RAD17: variants seen among roughly 807,000 people sequenced by gnomAD.
RAD17 encodes RAD17 checkpoint clamp loader component.
A neutral mutation model predicts 81.5 loss-of-function variants in RAD17; 31 were observed. The observed-to-expected ratio is 0.38, with a 90% CI of 0.29 to 0.51. The LOEUF is 0.51. Ranked by LOEUF, RAD17 falls within the 20% of genes least tolerant of loss-of-function variation. RAD17 has a pLI of 0.88. For missense variants in RAD17, 681 were observed against 781.2 expected (o/e 0.87, Z 1.53); for synonymous variants, 261 against 266.2 (o/e 0.98, Z 0.19).
chr5:69,414,206 C>T lies in RAD17; in HGVS notation c.1927C>T (p.Pro643Ser). ...GAGTCAGAATAGTGCCAGTGAACTGCCTGCTAGCCAGCCCCAGCCCTTTTC... is the reference window on the plus strand; with the variant it reads ...GAGTCAGAATAGTGCCAGTGAACTGTCTGCTAGCCAGCCCCAGCCCTTTTC... The part of the protein sequence containing the change: ...PLSQNSASEL[P>S]ASQPQPFSAQ... Residue 643 changes from proline (P) to serine (S), a missense_variant, in exon 19 of 19, where the codon CCT becomes TCT. Transcript: ENST00000354868. 2 of 1,614,200 alleles carry T rather than the reference C, an allele frequency of 1.2e-6. No homozygotes were observed. Among genetic ancestry groups the T allele is most frequent in the Middle Eastern group, 1.6e-4 (1 of 6,062 alleles).
intron 6 of RAD17, among the ~76,000 whole-genome samples, 158 bp from the exon 7 acceptor site, chr5:69,381,743 G>A (rs1023022511): frequency 1.3e-5 from 2 of 152,186 alleles, no homozygotes; most frequent in African/African-American, 4.8e-5. Flanking sequence ...AATAAAGCTG[G>A]TTTATTCCAG....
chr5:69,376,173 G>T (rs561229060), intron 6 of RAD17, among the ~76,000 whole-genome samples: 93 of 152,278 alleles, frequency 6.1e-4, no homozygotes, highest in African/African-American at 2.1e-3. Context: ...AATCTTCATT[G>T]TAGAGTAACT....
chr5:69,410,631 C>T (rs1490331022), intron 18 of RAD17, 81 bp downstream of exon 18: 4 of 1,259,182 alleles, frequency 3.2e-6, no homozygotes, highest in East Asian at 4.7e-5. Flanking sequence ...ATAACTGTTA[C>T]CTGTAACATC....
chr5:69,389,858 G>C (rs299084), intron 12 of RAD17, among the ~76,000 whole-genome samples: 2 of 152,004 alleles, frequency 1.3e-5, no homozygotes, highest in African/African-American at 4.8e-5. Context: ...GGATGGTTGC[G>C]ATCTCCTGAC....
At chr5:69,377,439 GTATATATATATATATATATA>G (rs373632198) in intron 6 of RAD17, among the ~76,000 whole-genome samples, 5 of 55,498 alleles carry the variant, frequency 9.0e-5, no homozygotes, top group Admixed American at 4.9e-4. Flanking sequence ...GTGTGTGTGT[GTATATATATATATATATATA>G]TATATATATA....
chr5:69,399,009 T>G lies in RAD17; in HGVS notation c.1573-1040T>G, dbSNP rs552636398. On this transcript the variant is annotated intron_variant, in intron 16 of 18. Coordinates refer to ENST00000354868, the MANE Select transcript of RAD17 (RefSeq NM_133338.3). ...GCAATATGGTGAAACCCCATCTGTA[T>G]AAAAAAAAAAATAATAAAAAAATTA... Among the ~76,000 whole-genome samples the G allele has an allele frequency of 2.2e-4, 31 of 143,912 alleles. No individual in the cohort carries two copies. The East Asian group carries it at 5.7e-3, about 26-fold the overall frequency. The allele number at this position is 143,912 out of a possible 152,430, so 94.4% of individuals were successfully genotyped here.
At chr5:69,385,942 T>A (rs1764185030) in intron 8 of RAD17, 101 bp from the exon 9 acceptor site, 3 of 1,153,518 alleles carry the variant, frequency 2.6e-6, no homozygotes, top group Non-Finnish European at 3.5e-6. Flanking sequence ...TTAAAATACA[T>A]TGAATAAATA....
chr5:69,373,990 A>G lies in RAD17; in HGVS notation c.170A>G (p.Asn57Ser), dbSNP rs1480197914. ...SSRFPARKRG[N>S]LSSLEQIYGL... ...AGATTTCCAGCGAGAAAAAGAGGAA[A>G]TCTATCTTCCTTAGAACAGATTTAT... The change falls in exon 5 of 19, where the codon AAT becomes AGT. Residue 57 changes from asparagine (N) to serine (S), a missense_variant. Transcript: ENST00000354868. The G allele has an allele frequency of 6.2e-7, 1 of 1,613,340 alleles. No individual in the cohort carries two copies. The highest frequency in any genetic ancestry group is 8.5e-7 in the Non-Finnish European group (1 of 1,179,460).
intron 15 of RAD17, among the ~76,000 whole-genome samples, chr5:69,395,016 C>T (rs1354994102): frequency 3.3e-5 from 5 of 152,154 alleles, no homozygotes; most frequent in African/African-American, 1.2e-4. Flanking sequence ...CACACCACTG[C>T]ACTCCAGCCT....
intron 7 of RAD17, among the ~76,000 whole-genome samples, chr5:69,383,365 T>TTTA (rs1412098861): frequency 6.6e-6 from 1 of 151,378 alleles, no homozygotes; most frequent in Non-Finnish European, 1.5e-5. Flanking sequence ...TTTTCTTTTC[T>TTTA]TTATTATTAT....
Position 69,369,857 on chromosome 5 carries a change from A to G in RAD17, c.-493A>G, listed in dbSNP as rs1762814039. On this transcript the variant is annotated 5_prime_UTR_variant, in exon 1 of 19. Coordinates refer to ENST00000354868, the MANE Select transcript of RAD17 (RefSeq NM_133338.3). Reference sequence around the variant, plus strand: ...CTCGGCGTTGAGCCCGGGTAGGGCCAGGTGGCTGCCCTTTCACCTAGGGTA... The same window carrying G: ...CTCGGCGTTGAGCCCGGGTAGGGCCGGGTGGCTGCCCTTTCACCTAGGGTA... 1.4e-6 allele frequency: 1 copy of G among 729,006 alleles called. No homozygotes were observed. The highest frequency in any genetic ancestry group is 1.8e-5 in the South Asian group (1 of 55,302). The allele number at this position is 729,006 out of a possible 1,614,324, so 45.2% of individuals were successfully genotyped here.
intron 13 of RAD17, chr5:69,392,732 T>C (rs764424360): frequency 2.3e-5 from 10 of 425,820 alleles, no homozygotes; most frequent in South Asian, 1.5e-4. Context: ...CTCTCCTTTC[T>C]TTTCCTCCCC....
chr5:69,371,503 AT>A lies in RAD17; in HGVS notation c.-228del. On this transcript the variant is annotated 5_prime_UTR_variant, in exon 3 of 19. The change abolishes the stop of an existing upstream ORF in the 5' untranslated region. Transcript: ENST00000354868. ...AAGTCCTAAACTACGGATGGGAACT[AT>A]TACAGTTTATAATGTCAAAAACTTT... 1 of 1,350,462 alleles carries A rather than the reference AT, an allele frequency of 7.4e-7. No individual in the cohort carries two copies. Among genetic ancestry groups the A allele is most frequent in the Non-Finnish European group, 9.8e-7 (1 of 1,018,940 alleles). 83.7% of individuals were successfully genotyped at this position (1,350,462 alleles called of 1,614,324 possible).
upstream of RAD17, chr5:69,369,335 C>T: frequency 1.9e-6 from 2 of 1,046,030 alleles, no homozygotes; most frequent in Non-Finnish European, 2.6e-6. Flanking sequence ...GCGCTGACAA[C>T]CGCCTCGTGG....
Position 69,393,604 on chromosome 5 carries a change from C to T in RAD17, c.1422+104C>T, listed in dbSNP as rs1764678611. ...AATTGCCTGACATTATTTTATGTGA[C>T]TTTTCTTCATAACTATGCTAAAGTT... On this transcript the variant is annotated intron_variant, in intron 15 of 18. Transcript: ENST00000354868. 1.2e-5 allele frequency: 13 copies of T among 1,076,546 alleles called. 1 individual carries two copies. The South Asian group carries it at 1.9e-4, about 15-fold the overall frequency. 66.7% of individuals were successfully genotyped at this position (1,076,546 alleles called of 1,614,324 possible). A position where few individuals can be genotyped will look rare whatever the true frequency, so the allele number is the denominator to read the frequency against.
chr5:69,413,958 C>T (rs1371792697), intron 18 of RAD17, 73 bp from the exon 19 acceptor site: 4 of 1,524,994 alleles, frequency 2.6e-6, no homozygotes, highest in Non-Finnish European at 3.6e-6. Flanking sequence ...GCTTCATAAT[C>T]ATCACACTCA....
intron 6 of RAD17, among the ~76,000 whole-genome samples, chr5:69,379,518 G>T (rs529526104): frequency 6.6e-6 from 1 of 152,204 alleles, no homozygotes; most frequent in Admixed American, 6.5e-5. Flanking sequence ...AGGACTTTAT[G>T]TAGCTTTTTT....
intron 18 of RAD17, among the ~76,000 whole-genome samples, chr5:69,412,290 A>G (rs1156806451): frequency 1.3e-5 from 2 of 152,174 alleles, no homozygotes; most frequent in Admixed American, 6.5e-5. Flanking sequence ...ATATATTACA[A>G]TGACTGGTAC....
chr5:69,412,192 G>A (rs893563813), intron 18 of RAD17, among the ~76,000 whole-genome samples: 1 of 151,926 alleles, frequency 6.6e-6, no homozygotes, highest in African/African-American at 2.4e-5. Flanking sequence ...TCCTGACCTC[G>A]TGATCCGCCC....
Sources: gnomAD v4.1 joint callset for allele counts (sites outside exome capture counted in the v4.1 genomes callset) on GRCh38, gnomAD v4.1.1 for gene constraint, MANE v1.5 for transcripts, NCBI Gene and HGNC (gene_info 2026-07-23, HGNC 2026-07-21) for gene names.